The following FAM210A variants were observed in gnomAD, a reference collection of about 807,000 sequenced individuals.
FAM210A encodes family with sequence similarity 210 member A.
Under a neutral mutation model 25.3 loss-of-function variants are expected in FAM210A, and 13 were observed. The observed-to-expected ratio is 0.51, with a 90% CI of 0.33 to 0.82. The LOEUF is 0.82. Ranked by LOEUF, FAM210A falls within the 40% of genes least tolerant of loss-of-function variation. FAM210A has a pLI of 0.02. For synonymous variants in FAM210A, 125 were observed against 118.7 expected (o/e 1.05, Z -0.35); for missense variants, 319 against 323.2 (o/e 0.99, Z 0.10).
chr18:13,684,918 C>T (rs550814278), intron 1 of FAM210A, among the ~76,000 whole-genome samples: 1 of 152,134 alleles, frequency 6.6e-6, no homozygotes. Context: ...GAACTCCCCC[C>T]ACTCCCAATT....
intron 1 of FAM210A, among the ~76,000 whole-genome samples, chr18:13,706,439 T>C (rs576022171): frequency 8.5e-5 from 13 of 152,314 alleles, no homozygotes; most frequent in African/African-American, 1.4e-4. Flanking sequence ...TGGATAACCT[T>C]ATACCTTCAT....
intron 1 of FAM210A, among the ~76,000 whole-genome samples, chr18:13,701,121 A>G (rs1250927089): frequency 1.3e-5 from 2 of 152,156 alleles, no homozygotes; most frequent in Non-Finnish European, 2.9e-5. Context: ...TCTGAAATAG[A>G]GCTTCTAATG....
intron 2 of FAM210A, among the ~76,000 whole-genome samples, chr18:13,681,236 CG>C (rs1341565057): frequency 6.6e-6 from 1 of 152,140 alleles, no homozygotes; most frequent in Non-Finnish European, 1.5e-5. Context: ...TGAGATCAGA[CG>C]CACCTAATTG....
chr18:13,690,943 A>T (rs1174498721), intron 1 of FAM210A, among the ~76,000 whole-genome samples: 1 of 152,172 alleles, frequency 6.6e-6, no homozygotes, highest in Non-Finnish European at 1.5e-5. Context: ...ACGATCGGTA[A>T]TAACAAACTT....
intron 1 of FAM210A, among the ~76,000 whole-genome samples, chr18:13,689,294 A>G (rs1014770166): frequency 2.6e-5 from 4 of 152,146 alleles, no homozygotes; most frequent in Non-Finnish European, 4.4e-5. Context: ...ATGGCCCAAT[A>G]AGCCTCCACT....
chr18:13,722,005 A>C (rs2043901149), intron 1 of FAM210A, among the ~76,000 whole-genome samples: 1 of 152,142 alleles, frequency 6.6e-6, no homozygotes, highest in East Asian at 1.9e-4. Context: ...CCCCTCAGTC[A>C]GGGGGTTCTG....
At chr18:13,675,181 G>T in intron 2 of FAM210A, among the ~76,000 whole-genome samples, 1 of 135,172 alleles carries the variant, frequency 7.4e-6, no homozygotes, top group African/African-American at 2.8e-5. Context: ...TTTATTTCCT[G>T]TTTCCTGATT....
intron 1 of FAM210A, among the ~76,000 whole-genome samples, chr18:13,701,147 G>A (rs968333521): frequency 3.9e-5 from 6 of 152,138 alleles, no homozygotes; most frequent in African/African-American, 1.4e-4. Flanking sequence ...CAGGAGCTCC[G>A]AATGAACAAG....
Position 13,666,762 on chromosome 18 carries a change from C to A in FAM210A, c.586-49G>T. 2.0e-6 allele frequency: 3 copies of A among 1,512,694 alleles called. No individual in the cohort carries two copies. The South Asian group carries it at 3.5e-5, about 18-fold the overall frequency. The allele number at this position is 1,512,694 out of a possible 1,614,324, so 93.7% of individuals were successfully genotyped here. A position where few individuals can be genotyped will look rare whatever the true frequency, so the allele number is the denominator to read the frequency against. ...CAAATCAAAACCTGGTTATTACTGTCATCTTAAGCAAAAACAAGTTAAAAT... is the reference window on the plus strand; with the variant it reads ...CAAATCAAAACCTGGTTATTACTGTAATCTTAAGCAAAAACAAGTTAAAAT... On this transcript the variant is annotated intron_variant, in intron 3 of 3. Coordinates refer to ENST00000651643, the MANE Select transcript of FAM210A (RefSeq NM_152352.4).
At chr18:13,684,915 C>T (rs376264697) in intron 1 of FAM210A, among the ~76,000 whole-genome samples, 8 of 152,074 alleles carry the variant, frequency 5.3e-5, no homozygotes, top group African/African-American at 1.9e-4. Flanking sequence ...CGGGAACTCC[C>T]CCCACTCCCA....
chr18:13,709,750 T>G (rs1167366717), intron 1 of FAM210A, among the ~76,000 whole-genome samples: 3 of 152,248 alleles, frequency 2.0e-5, no homozygotes, highest in Non-Finnish European at 4.4e-5. Context: ...CAGGAGGCAC[T>G]CAATAAATGT....
At chr18:13,698,312 A>G (rs971625253) in intron 1 of FAM210A, among the ~76,000 whole-genome samples, 1 of 138,786 alleles carries the variant, frequency 7.2e-6, no homozygotes, top group Admixed American at 8.5e-5. Context: ...AGATCACACC[A>G]CTGCACTCCA....
At chr18:13,720,699 T>C (rs1461711096) in intron 1 of FAM210A, among the ~76,000 whole-genome samples, 1 of 152,212 alleles carries the variant, frequency 6.6e-6, no homozygotes, top group African/African-American at 2.4e-5. Context: ...TCAGGGTCTC[T>C]ATTTGTTTGC....
chr18:13,670,019 C>A (rs1230915693), intron 3 of FAM210A, among the ~76,000 whole-genome samples: 1 of 152,190 alleles, frequency 6.6e-6, no homozygotes, highest in African/African-American at 2.4e-5. Flanking sequence ...AGAAACACCA[C>A]TGGCACTCAT....
chr18:13,677,783 C>T (rs904618424), intron 2 of FAM210A, among the ~76,000 whole-genome samples: 5 of 152,082 alleles, frequency 3.3e-5, no homozygotes, highest in Non-Finnish European at 7.4e-5. Flanking sequence ...GCAGCTTTCC[C>T]TATGTCATTA....
chr18:13,705,441 T>C (rs2043770907), intron 1 of FAM210A, among the ~76,000 whole-genome samples: 1 of 152,162 alleles, frequency 6.6e-6, no homozygotes, highest in Non-Finnish European at 1.5e-5. Context: ...AAATTAAATA[T>C]ATTGGTGTGG....
chr18:13,706,292 G>T (rs1178067902), intron 1 of FAM210A, among the ~76,000 whole-genome samples: 1 of 148,190 alleles, frequency 6.7e-6, no homozygotes, highest in African/African-American at 2.5e-5. Context: ...ACTACCATGA[G>T]ACTCTTATCT....
chr18:13,719,229 T>TACTAATCAGCTCA (rs6146231), intron 1 of FAM210A, among the ~76,000 whole-genome samples: 134,852 of 151,878 alleles, frequency 0.89, 59,948 homozygotes, highest in East Asian at 0.97. Context: ...CAATGCAGCT[T>TACTAATCAGCTCA]AACTAGAACA....
intron 2 of FAM210A, among the ~76,000 whole-genome samples, chr18:13,672,411 TTGTTC>T (rs2043451079): frequency 6.6e-6 from 1 of 152,170 alleles, no homozygotes; most frequent in Non-Finnish European, 1.5e-5. Flanking sequence ...GTTTGTTAGT[TTGTTC>T]TGTTCTGTTT....
Sources: allele counts gnomAD v4.1 joint callset (sites outside exome capture counted in the v4.1 genomes callset), GRCh38; gene constraint gnomAD v4.1.1; transcripts MANE v1.5; gene names NCBI Gene and HGNC (gene_info 2026-07-23, HGNC 2026-07-21).